Variants in HS6ST2 observed in about 807,000 individuals in gnomAD.
HS6ST2 encodes the protein heparan-sulfate 6-O-sulfotransferase 2.
In HS6ST2, 17 loss-of-function variants were observed where a neutral mutation model predicts 33.0. The ratio of observed to expected loss-of-function variants is 0.52; its 90% CI spans 0.35 to 0.77. The LOEUF (loss-of-function observed/expected upper bound fraction) is 0.77, where lower values mean the gene tolerates loss of function less well. HS6ST2 is among the 30% of genes least tolerant of loss of function. HS6ST2 has a pLI of 0.01. For synonymous variants in HS6ST2, 248 were observed against 237.1 expected, an observed-to-expected ratio of 1.05 and a Z score of -0.42; for missense variants, 519 against 551.7, an observed-to-expected ratio of 0.94 and a Z score of 0.59.
chrX:132,654,834 C>T (rs2063719374), intron 4 of HS6ST2, among the ~76,000 whole-genome samples: 1 of 111,734 alleles, frequency 8.9e-6, no homozygotes, highest in Non-Finnish European at 1.9e-5. Context: ...AAGAAGTACT[C>T]CCACTCTTCC....
At chrX:132,739,807 G>T (rs756960337) in intron 2 of HS6ST2, among the ~76,000 whole-genome samples, 1 of 110,744 alleles carries the variant, frequency 9.0e-6, no homozygotes, top group East Asian at 2.8e-4. Context: ...TGCCATAAGC[G>T]TTTTCCTAAA....
chrX:132,723,501 T>C (rs748501847), intron 2 of HS6ST2, among the ~76,000 whole-genome samples: 25 of 112,305 alleles, frequency 2.2e-4, no homozygotes, highest in Middle Eastern at 4.6e-3. Context: ...ATCCTGTGGA[T>C]GCTAGAATGG....
chrX:132,863,915 C>T (rs965536534), intron 2 of HS6ST2, among the ~76,000 whole-genome samples: 1 of 111,718 alleles, frequency 9.0e-6, no homozygotes, highest in African/African-American at 3.3e-5. Context: ...GGGCAGCAAT[C>T]TTTGCTGTTC....
chrX:132,832,227 A>T (rs1489517046), intron 2 of HS6ST2, among the ~76,000 whole-genome samples: 1 of 112,384 alleles, frequency 8.9e-6, no homozygotes, highest in African/African-American at 3.2e-5. Context: ...AGATCAGGAC[A>T]TGTAAATTAG....
intron 2 of HS6ST2, among the ~76,000 whole-genome samples, chrX:132,718,420 G>A (rs967645200): frequency 3.6e-5 from 4 of 111,805 alleles, no homozygotes; most frequent in Admixed American, 9.5e-5. Context: ...AAGTGAAGGC[G>A]CTGAGATGGG....
At chrX:132,718,161 A>G (rs1187318019) in intron 2 of HS6ST2, among the ~76,000 whole-genome samples, 4 of 111,988 alleles carry the variant, frequency 3.6e-5, no homozygotes, top group Non-Finnish European at 7.5e-5. Flanking sequence ...TTCATCCTGA[A>G]CAAAAGTCTA....
chrX:132,665,069 TACC>T (rs759653899), intron 4 of HS6ST2, among the ~76,000 whole-genome samples: 16 of 112,162 alleles, frequency 1.4e-4, no homozygotes, highest in African/African-American at 4.5e-4. Context: ...GAACCAGAGA[TACC>T]ATTATTTTAG....
chrX:132,761,195 C>T (rs1480345419), intron 2 of HS6ST2, among the ~76,000 whole-genome samples: 1 of 111,755 alleles, frequency 8.9e-6, no homozygotes, highest in Non-Finnish European at 1.9e-5. Context: ...GCAAAATTAC[C>T]CTTTATCTGT....
At chrX:132,762,065 T>C (rs942269531) in intron 2 of HS6ST2, among the ~76,000 whole-genome samples, 3 of 112,278 alleles carry the variant, frequency 2.7e-5, no homozygotes, top group Non-Finnish European at 5.6e-5. Context: ...ATTACTGATA[T>C]GAAATAATTC....
At chrX:132,853,950 G>A (rs1170631185) in intron 2 of HS6ST2, among the ~76,000 whole-genome samples, 1 of 110,717 alleles carries the variant, frequency 9.0e-6, no homozygotes, top group Non-Finnish European at 1.9e-5. Context: ...CTGAGCCTGT[G>A]GAGGTGAAGG....
rs186951840 is a variant in HS6ST2 at position 132,946,246 on chromosome X, G to A, written c.947+10562C>T. 5.6e-4 allele frequency among the ~76,000 whole-genome samples: 62 copies of A among 111,580 alleles called. No homozygotes were observed. In the East Asian group the frequency reaches 0.012, roughly 21 times the overall value. On this transcript the variant is annotated intron_variant, in intron 2 of 4. Transcript: ENST00000370833. ...TCAAGGATCTAGAACTAGAAATACC[G>A]TTTGACCCAGCCATCCCATTACTGG...
At chrX:132,868,950 TAGAG>T (rs1569498826) in intron 2 of HS6ST2, among the ~76,000 whole-genome samples, 1 of 107,016 alleles carries the variant, frequency 9.3e-6, no homozygotes, top group Non-Finnish European at 1.9e-5. Flanking sequence ...CTGAAGGAGA[TAGAG>T]AGACGAAAAA....
upstream of HS6ST2, among the ~76,000 whole-genome samples, chrX:132,960,353 C>T (rs183672024): frequency 2.3e-3 from 254 of 110,720 alleles, no homozygotes; most frequent in Non-Finnish European, 3.8e-3. Flanking sequence ...ATAGGTGGCT[C>T]TCCTCATGGT....
chrX:132,704,341 G>A (rs1423666945), intron 3 of HS6ST2, among the ~76,000 whole-genome samples: 2 of 112,030 alleles, frequency 1.8e-5, no homozygotes, highest in Non-Finnish European at 3.8e-5. Flanking sequence ...GATCACCTGA[G>A]GTCAGGAGTC....
rs1170515187 is a variant in HS6ST2, at chrX:132,629,096, A to G, written c.1068-3T>C. 4 of 1,185,895 alleles carry G rather than the reference A, an allele frequency of 3.4e-6. No homozygotes were observed. Among genetic ancestry groups the G allele is most frequent in the Non-Finnish European group, 4.5e-6 (4 of 881,640 alleles). Reference sequence around the variant, plus strand: ...GGATGGTGATGTAGTGGAAGTTCCTATGGATGAAGCACAAAAACCAACAGT... The same window carrying G: ...GGATGGTGATGTAGTGGAAGTTCCTGTGGATGAAGCACAAAAACCAACAGT... On this transcript the variant is annotated splice_region_variant and splice_polypyrimidine_tract_variant and intron_variant, in intron 4 of 4. Coordinates refer to ENST00000370833, the MANE Select transcript of HS6ST2 (RefSeq NM_001394073.1).
chrX:132,882,968 G>T (rs1053830911), intron 2 of HS6ST2, among the ~76,000 whole-genome samples: 7 of 111,535 alleles, frequency 6.3e-5, no homozygotes, highest in Non-Finnish European at 1.1e-4. Context: ...GCATACCAGG[G>T]ATGAAGCCCA....
chrX:132,637,866 A>ATATATAATATT (rs2063568604), intron 4 of HS6ST2, among the ~76,000 whole-genome samples: 1 of 42,689 alleles, frequency 2.3e-5, no homozygotes, highest in African/African-American at 2.7e-4. Context: ...TATATAATAT[A>ATATATAATATT]TTATATATAA....
intron 2 of HS6ST2, among the ~76,000 whole-genome samples, chrX:132,787,884 C>A (rs2065082244): frequency 1.9e-5 from 2 of 107,763 alleles, no homozygotes; most frequent in African/African-American, 6.8e-5. Flanking sequence ...GAGCGAGACT[C>A]CATCTCAAAA....
intron 2 of HS6ST2, among the ~76,000 whole-genome samples, chrX:132,941,800 CTTTT>C (rs747038621): frequency 9.3e-6 from 1 of 107,305 alleles, no homozygotes; most frequent in African/African-American, 3.4e-5. Flanking sequence ...AAAATGATCT[CTTTT>C]TTTTTTATTT....
Sources: gnomAD v4.1 joint callset for allele counts (sites outside exome capture counted in the v4.1 genomes callset) on GRCh38, gnomAD v4.1.1 for gene constraint, MANE v1.5 for transcripts, NCBI Gene and HGNC (gene_info 2026-07-23, HGNC 2026-07-21) for gene names.